NUDT14: variants seen among roughly 807,000 people sequenced by gnomAD.
The protein encoded by NUDT14 is uridine diphosphate glucose pyrophosphatase NUDT14.
NUDT14 carries 22 observed loss-of-function variants against 17.5 expected under a neutral mutation model. The observed-to-expected ratio is 1.26, with a 90% CI of 0.90 to 1.80. The LOEUF (loss-of-function observed/expected upper bound fraction) is 1.80. Ranked by LOEUF, NUDT14 falls within the 40% of genes most tolerant of loss-of-function variation. The pLI, the probability that NUDT14 is intolerant of heterozygous loss-of-function variation, is 0.00. For missense variants in NUDT14, 296 were observed against 295.6 expected (o/e 1.00, Z -0.01); for synonymous variants, 129 against 125.8 (o/e 1.03, Z -0.17).
At position 105,176,745 on chromosome 14, in the gene NUDT14, G is replaced by C; in HGVS notation, c.217C>G (p.Arg73Gly). The part of the protein sequence containing the change: ...PAVYAGEVER[R>G]FPGSLAAVDQ... ...ACAGCTGCTAGGGACCCTGGGAAGC[G>C]GCGCTCCACCTCACCCGCATACACA... Residue 73 changes from arginine to glycine, a missense_variant, in exon 4 of 5, where the codon CGC (arginine) becomes GGC (glycine). Physicochemically the swap from Arg to Gly is moderately radical, Grantham distance 125. Coordinates refer to ENST00000392568, the MANE Select transcript of NUDT14 (RefSeq NM_177533.5). The C allele has an allele frequency of 6.2e-7, 1 of 1,612,486 alleles. No homozygotes were observed. Among genetic ancestry groups the C allele is most frequent in the Non-Finnish European group, 8.5e-7 (1 of 1,179,932 alleles).
intron 1 of NUDT14, among the ~76,000 whole-genome samples, chr14:105,179,228 G>C (rs1048310559): frequency 2.0e-5 from 3 of 152,236 alleles, no homozygotes; most frequent in Non-Finnish European, 4.4e-5. Flanking sequence ...CTGGGAGGGA[G>C]GGGCAGGGCT....
intron 4 of NUDT14, chr14:105,175,703 C>T (rs879589596): frequency 1.9e-5 from 19 of 998,836 alleles, no homozygotes; most frequent in Middle Eastern, 1.0e-3. Context: ...CCTGGCCCAG[C>T]GTGGAAATGC....
intron 4 of NUDT14, among the ~76,000 whole-genome samples, chr14:105,174,544 G>T (rs1288997610): frequency 6.6e-6 from 1 of 152,054 alleles, no homozygotes; most frequent in Non-Finnish European, 1.5e-5. Flanking sequence ...CCTCCGGGGG[G>T]ACTCACCCCA....
At position 105,176,968 on chromosome 14, in the gene NUDT14, C is replaced by A. The variant is rs752852056; in HGVS notation, c.185G>T (p.Arg62Leu). ...CCCACCCCAGCTGGCCTCACCTGGC[C>A]GGAACTGCTTCACCAACACCAGGCT... ...RRSLVLVKQFRPAVYAGEVER... is the reference protein window; with the variant it reads ...RRSLVLVKQFLPAVYAGEVER... Residue 62 changes from arginine (R) to leucine (L), a missense_variant, in exon 3 of 5, where the codon CGG (arginine) becomes CTG (leucine). Coordinates refer to ENST00000392568, the MANE Select transcript of NUDT14 (RefSeq NM_177533.5). 6 of 1,611,704 alleles carry A rather than the reference C, an allele frequency of 3.7e-6. No homozygotes were observed. The highest frequency in any genetic ancestry group is 5.1e-6 in the Non-Finnish European group (6 of 1,179,652).
chr14:105,176,928 C>G, intron 3 of NUDT14, 35 bp downstream of exon 3: 1 of 1,603,920 alleles, frequency 6.2e-7, no homozygotes, highest in African/African-American at 1.3e-5. Context: ...TGAAGGTGAC[C>G]CTGCAGATCC....
rs945043834 is a variant in NUDT14 at position 105,176,080 on chromosome 14, T to C, written c.428+454A>G. The C allele has an allele frequency of 1.0e-5, 11 of 1,051,636 alleles. No homozygotes were observed. In the Admixed American group the frequency reaches 1.1e-4, roughly 10 times the overall value. The allele number at this position is 1,051,636 out of a possible 1,614,324, so 65.1% of individuals were successfully genotyped here. On this transcript the variant is annotated intron_variant, in intron 4 of 4. Transcript: ENST00000392568. ...CCCTCGCGGGGCAAGAGTTGGTGCC[T>C]CGAGTTTGGTGGGTCAGGTCCCAAA...
Position 105,176,593 on chromosome 14 carries a change from A to G in NUDT14, c.369T>C (p.Ala123=), listed in dbSNP as rs957735973. ...LSLEEVACKE[A]WEECGYHLAP... is the part of the protein sequence containing the mutation. ...CCAAGTGGTAGCCACACTCCTCCCA[A>G]GCCTCCTTGCAAGCCACTTCCTCCA... Residue 123 remains alanine (A), a synonymous_variant, in exon 4 of 5, where the codon GCT becomes GCC. Transcript: ENST00000392568. The G allele has an allele frequency of 5.6e-6, 9 of 1,612,586 alleles. No homozygotes were observed. Among genetic ancestry groups the G allele is most frequent in the African/African-American group, 1.3e-5 (1 of 74,968 alleles).
rs1052802808 is a variant in NUDT14, at chr14:105,173,491, G to A, written c.429-230C>T. 4 of 406,086 alleles carry A rather than the reference G, an allele frequency of 9.9e-6. No homozygotes were observed. Among genetic ancestry groups the A allele is most frequent in the Admixed American group, 4.3e-5 (1 of 23,160 alleles). The allele number at this position is 406,086 out of a possible 1,614,324, so 25.2% of individuals were successfully genotyped here. A position where few individuals can be genotyped will look rare whatever the true frequency, so the allele number is the denominator to read the frequency against. Reference sequence around the variant, plus strand: ...TCACGTTGTACTCGCCAGGTGGGGTGGGTGTTGTCGATGTGATTAAGGACC... The same window carrying A: ...TCACGTTGTACTCGCCAGGTGGGGTAGGTGTTGTCGATGTGATTAAGGACC... On this transcript the variant is annotated intron_variant, in intron 4 of 4. Coordinates refer to ENST00000392568, the MANE Select transcript of NUDT14 (RefSeq NM_177533.5). The surrounding 1 kb of genome is among the most constrained non-coding windows in gnomAD (Gnocchi z 4.7).
chr14:105,172,971 G>C lies in NUDT14; in HGVS notation c.*50C>G. On this transcript the variant is annotated 3_prime_UTR_variant, in exon 5 of 5. Coordinates refer to ENST00000392568, the MANE Select transcript of NUDT14 (RefSeq NM_177533.5). Reference sequence around the variant, plus strand: ...ATGCAAGCCTTTATTGGGGTCCGCGGGGTGTGGGGTGAGTGGCCAAGACTG... The same window carrying C: ...ATGCAAGCCTTTATTGGGGTCCGCGCGGTGTGGGGTGAGTGGCCAAGACTG... The C allele has an allele frequency of 6.9e-7, 1 of 1,455,214 alleles. No homozygotes were observed. The highest frequency in any genetic ancestry group is 1.6e-5 in the South Asian group (1 of 64,486). 90.1% of individuals were successfully genotyped at this position (1,455,214 alleles called of 1,614,324 possible).
Position 105,173,518 on chromosome 14 carries a change from T to C in NUDT14, c.429-257A>G, listed in dbSNP as rs1595197798. 2.8e-6 allele frequency: 1 copy of C among 355,382 alleles called. No individual in the cohort carries two copies. 22.0% of individuals were successfully genotyped at this position (355,382 alleles called of 1,614,324 possible). On this transcript the variant is annotated intron_variant, in intron 4 of 4. Transcript: ENST00000392568. The surrounding 1 kb of genome is among the most constrained non-coding windows in gnomAD (Gnocchi z 4.7). ...GTGTTGTCGATGTGATTAAGGACCCTAACCGGTGACTTGAGCTCATCAGAA... is the reference window on the plus strand; with the variant it reads ...GTGTTGTCGATGTGATTAAGGACCCCAACCGGTGACTTGAGCTCATCAGAA...
intron 1 of NUDT14, among the ~76,000 whole-genome samples, chr14:105,179,544 G>A (rs1297825983): frequency 6.6e-6 from 1 of 152,252 alleles, no homozygotes; most frequent in African/African-American, 2.4e-5. Flanking sequence ...AGGCTTCACG[G>A]GGAGTGAGGG....
intron 2 of NUDT14, 23 bp downstream of exon 2, chr14:105,177,669 G>A: frequency 1.9e-6 from 3 of 1,610,842 alleles, no homozygotes; most frequent in South Asian, 1.1e-5. Context: ...TTCCCCAGTG[G>A]CCAGGCTGGG....
chr14:105,179,260 G>A (rs1031833968), intron 1 of NUDT14, among the ~76,000 whole-genome samples: 1 of 152,216 alleles, frequency 6.6e-6, no homozygotes, highest in Non-Finnish European at 1.5e-5. Flanking sequence ...AGACCCCATC[G>A]CCTCGGAGCC....
At chr14:105,176,331 G>T in intron 4 of NUDT14, 1 of 610,738 alleles carries the variant, frequency 1.6e-6, no homozygotes, top group Non-Finnish European at 2.9e-6. Flanking sequence ...GGGGCATGGG[G>T]CCGAGACGCT....
chr14:105,175,034 G>A (rs902030101), intron 4 of NUDT14, among the ~76,000 whole-genome samples: 1 of 152,230 alleles, frequency 6.6e-6, no homozygotes, highest in South Asian at 2.1e-4. Flanking sequence ...TCTTCCCGAT[G>A]CGAGTCTAAG....
chr14:105,173,197 G>A lies in NUDT14; in HGVS notation c.493C>T (p.Arg165Cys), dbSNP rs201834263. The part of the protein sequence containing the change: ...MFYTEVTDAQ[R>C]SGPGGGLVEE... ...ACCAGGCCCCCACCTGGACCGCTAC[G>A]CTGGGCATCTGTCACCTCTGTGTAG... The change falls in exon 5 of 5, where the codon CGT becomes TGT. Residue 165 changes from arginine to cysteine, a missense_variant. Physicochemically the swap from Arg to Cys is radical, Grantham distance 180. Coordinates refer to ENST00000392568, the MANE Select transcript of NUDT14 (RefSeq NM_177533.5). This position sits in a 1 kb window ranked among gnomAD's most constrained non-coding sequence, Gnocchi z 4.7. 8.7e-5 allele frequency: 140 copies of A among 1,609,836 alleles called. No homozygotes were observed. The highest frequency in any genetic ancestry group is 4.2e-4 in the South Asian group (38 of 90,608).
intron 4 of NUDT14, chr14:105,176,108 G>A (rs1889207196): frequency 5.4e-6 from 4 of 739,308 alleles, no homozygotes; most frequent in South Asian, 1.9e-5. Context: ...GTCCCAAAGC[G>A]CAGGCTCTAG....
chr14:105,172,966 C>CT lies in NUDT14; in HGVS notation c.*54_*55insA. On this transcript the variant is annotated 3_prime_UTR_variant, in exon 5 of 5. Coordinates refer to ENST00000392568, the MANE Select transcript of NUDT14 (RefSeq NM_177533.5). ...GAGCTATGCAAGCCTTTATTGGGGT[C>CT]CGCGGGGTGTGGGGTGAGTGGCCAA... is the stretch of plus-strand genomic sequence containing the variant. 1 of 1,448,848 alleles carries CT rather than the reference C, an allele frequency of 6.9e-7. No homozygotes were observed. Among genetic ancestry groups the CT allele is most frequent in the South Asian group, 1.6e-5 (1 of 63,366 alleles). The allele number at this position is 1,448,848 out of a possible 1,614,324, so 89.7% of individuals were successfully genotyped here.
chr14:105,180,175 A>T (rs1354619141), intron 1 of NUDT14, among the ~76,000 whole-genome samples: 1 of 152,226 alleles, frequency 6.6e-6, no homozygotes, highest in African/African-American at 2.4e-5. Flanking sequence ...GGATGGCAGC[A>T]GCTCCTTCAC....
Sources: allele counts gnomAD v4.1 joint callset (sites outside exome capture counted in the v4.1 genomes callset), GRCh38; gene constraint gnomAD v4.1.1; non-coding constraint Gnocchi (gnomAD v3.1); transcripts MANE v1.5; gene names NCBI Gene and HGNC (gene_info 2026-07-23, HGNC 2026-07-21).